FAM151B: variants seen among roughly 807,000 people sequenced by gnomAD.
FAM151B encodes protein FAM151B.
A neutral mutation model predicts 31.2 loss-of-function variants in FAM151B; 24 were observed. The ratio of observed to expected loss-of-function variants is 0.77; its 90% confidence interval spans 0.56 to 1.08. The LOEUF (loss-of-function observed/expected upper bound fraction) is 1.08, where lower values mean the gene tolerates loss of function less well. Among genes scored for constraint, FAM151B ranks in the 50% least tolerant of loss-of-function variants. The pLI is 0.00. For synonymous variants in FAM151B, 105 were observed against 111.4 expected, an observed-to-expected ratio of 0.94 and a Z score of 0.36; for missense variants, 293 against 328.6, an observed-to-expected ratio of 0.89 and a Z score of 0.84.
intron 4 of FAM151B, 42 bp from the exon 5 acceptor site, chr5:80,521,961 G>C (rs1744739715): frequency 6.9e-7 from 1 of 1,444,744 alleles, no homozygotes; most frequent in African/African-American, 1.4e-5. Context: ...TGTCTTTCAA[G>C]ATTTCAATCA....
chr5:80,540,092 T>G (rs1349615768), intron 5 of FAM151B, among the ~76,000 whole-genome samples: 2 of 152,138 alleles, frequency 1.3e-5, no homozygotes, highest in Non-Finnish European at 2.9e-5. Flanking sequence ...TACCATACAG[T>G]CCACAGACCC....
chr5:80,501,717 C>A, intron 1 of FAM151B, 75 bp from the exon 2 acceptor site: 1 of 1,030,988 alleles, frequency 9.7e-7, no homozygotes, highest in Non-Finnish European at 1.4e-6. Context: ...CTTAAATATA[C>A]ACAATGAAAG....
intron 3 of FAM151B, among the ~76,000 whole-genome samples, chr5:80,514,854 C>T (rs1268733784): frequency 6.6e-6 from 1 of 152,072 alleles, no homozygotes; most frequent in Non-Finnish European, 1.5e-5. Context: ...CCTTATTATA[C>T]CGTTAGTGAA....
In FAM151B at chr5:80,538,525, C is replaced by CTT. The variant is rs1181977262; in HGVS notation, c.672-3147_672-3146dup. On this transcript the variant is annotated intron_variant, in intron 5 of 5. Transcript: ENST00000282226. ...TTTCTTTTCTTTCTTTCCTTCCTTC[C>CTT]TTCCTTCCTTCCTTCCTTCCTTCCT... 1.1e-4 allele frequency among the ~76,000 whole-genome samples: 9 copies of CTT among 82,678 alleles called. 1 individual carries two copies. Among genetic ancestry groups the CTT allele is most frequent in the African/African-American group, 7.1e-4 (8 of 11,212 alleles). 54.2% of individuals were successfully genotyped at this position (82,678 alleles called of 152,430 possible).
intron 5 of FAM151B, among the ~76,000 whole-genome samples, chr5:80,538,537 C>CTTTCTT (rs1561384098): frequency 1.6e-5 from 2 of 125,748 alleles, no homozygotes; most frequent in African/African-American, 6.5e-5. Context: ...TCCTTCCTTC[C>CTTTCTT]TTCCTTCCTT....
At position 80,541,693 on chromosome 5, in the gene FAM151B, C is replaced by G. The variant is rs748841886; in HGVS notation, c.692C>G (p.Thr231Ser). 24 of 1,613,436 alleles carry G rather than the reference C, an allele frequency of 1.5e-5. No homozygotes were observed. The highest frequency in any genetic ancestry group is 2.0e-5 in the Non-Finnish European group (24 of 1,179,712). Residue 231 changes from threonine to serine, a missense_variant, in exon 6 of 6, where the codon ACT (threonine) becomes AGT (serine). Transcript: ENST00000282226. ...KSNRYSLTIW[T>S]GKNDNYSVED... ...TGCAGGTACAGCCTGACTATTTGGA[C>G]TGGAAAAAATGATAACTATTCCGTT...
chr5:80,489,294 C>T (rs980301567), intron 1 of FAM151B, among the ~76,000 whole-genome samples: 1 of 152,286 alleles, frequency 6.6e-6, no homozygotes, highest in African/African-American at 2.4e-5. Flanking sequence ...GGACACGATT[C>T]TTGTAACTGA....
chr5:80,504,510 T>A, intron 2 of FAM151B, among the ~76,000 whole-genome samples: 1 of 137,992 alleles, frequency 7.2e-6, no homozygotes, highest in Middle Eastern at 3.8e-3. Flanking sequence ...CTGCGACTAT[T>A]ACTCTTTTTT....
chr5:80,525,870 G>A (rs889182129), intron 5 of FAM151B, among the ~76,000 whole-genome samples: 1 of 78,218 alleles, frequency 1.3e-5, no homozygotes, highest in African/African-American at 5.5e-5. Flanking sequence ...AACAGTGCCT[G>A]TATGCATATA....
In FAM151B at chr5:80,541,904, C is replaced by A; in HGVS notation, c.*72C>A. ...CTCTCCATTGGTCTGAATTAATTAC[C>A]ATATAAATTATGGTTATTGATTGAC... On this transcript the variant is annotated 3_prime_UTR_variant, in exon 6 of 6. Transcript: ENST00000282226. 6.9e-7 allele frequency: 1 copy of A among 1,451,880 alleles called. No individual in the cohort carries two copies. Among genetic ancestry groups the A allele is most frequent in the East Asian group, 2.4e-5 (1 of 42,160 alleles). 89.9% of individuals were successfully genotyped at this position (1,451,880 alleles called of 1,614,324 possible). A position where few individuals can be genotyped will look rare whatever the true frequency, so the allele number is the denominator to read the frequency against.
At chr5:80,534,530 G>GA in intron 5 of FAM151B, among the ~76,000 whole-genome samples, 1 of 152,104 alleles carries the variant, frequency 6.6e-6, no homozygotes, top group Non-Finnish European at 1.5e-5. Context: ...AATTGATGCT[G>GA]AAAAAACATT....
intron 5 of FAM151B, among the ~76,000 whole-genome samples, chr5:80,540,998 C>T (rs1745860079): frequency 6.6e-6 from 1 of 152,110 alleles, no homozygotes; most frequent in African/African-American, 2.4e-5. Flanking sequence ...TTTGCATTTC[C>T]CTAGACTTGA....
In FAM151B at chr5:80,538,557, CTT is replaced by C. The variant is rs1291056416; in HGVS notation, c.672-3115_672-3114del. Among the ~76,000 whole-genome samples, 26 of 131,298 alleles carry C rather than the reference CTT, an allele frequency of 2.0e-4. 1 individual carries two copies. Among genetic ancestry groups the C allele is most frequent in the Non-Finnish European group, 2.7e-4 (17 of 61,986 alleles). 86.1% of individuals were successfully genotyped at this position (131,298 alleles called of 152,430 possible). The stretch of plus-strand genomic sequence containing the variant: ...CCTTCCTTCCTTCCTTCCTTCCTTC[CTT>C]CCTTCCTTCCTTCCCTCCCTTCCTT... On this transcript the variant is annotated intron_variant, in intron 5 of 5. Coordinates refer to ENST00000282226, the MANE Select transcript of FAM151B (RefSeq NM_205548.3).
At chr5:80,527,141 A>AT (rs1334905381) in intron 5 of FAM151B, among the ~76,000 whole-genome samples, 2 of 152,112 alleles carry the variant, frequency 1.3e-5, no homozygotes, top group Non-Finnish European at 2.9e-5. Context: ...TCATTAGGTC[A>AT]TCCAGGCACA....
chr5:80,498,225 A>G (rs1743619704), intron 1 of FAM151B, among the ~76,000 whole-genome samples: 1 of 152,222 alleles, frequency 6.6e-6, no homozygotes, highest in African/African-American at 2.4e-5. Flanking sequence ...TTGCCATCTC[A>G]GTATGAAAGG....
chr5:80,532,755 A>C (rs890148109), intron 5 of FAM151B, among the ~76,000 whole-genome samples: 1 of 152,212 alleles, frequency 6.6e-6, no homozygotes, highest in Non-Finnish European at 1.5e-5. Context: ...TTAGATCACA[A>C]AACAAGTCTA....
intron 5 of FAM151B, among the ~76,000 whole-genome samples, chr5:80,525,276 G>C (rs943530139): frequency 2.6e-5 from 4 of 152,148 alleles, no homozygotes. Flanking sequence ...AATTGTGCAT[G>C]AATGAATCCT....
rs371268914 is a variant in FAM151B, at chr5:80,495,657, C to T, written c.26-6135C>T. ...CATCCTGGCTAACACAGTGAAACCCCGTCTCTACTAAAAATGCAAAAAATT... is the reference window on the plus strand; with the variant it reads ...CATCCTGGCTAACACAGTGAAACCCTGTCTCTACTAAAAATGCAAAAAATT... On this transcript the variant is annotated intron_variant, in intron 1 of 5. Transcript: ENST00000282226. 1.3e-4 allele frequency among the ~76,000 whole-genome samples: 19 copies of T among 151,988 alleles called. 1 individual carries two copies. Among genetic ancestry groups the T allele is most frequent in the South Asian group, 4.2e-4 (2 of 4,800 alleles).
intron 1 of FAM151B, among the ~76,000 whole-genome samples, chr5:80,495,556 C>T (rs529736832): frequency 3.3e-5 from 5 of 152,262 alleles, no homozygotes; most frequent in South Asian, 2.1e-4. Context: ...GAGGGCAGGG[C>T]GCAGCGGCTC....
Sources: gnomAD v4.1 joint callset for allele counts (sites outside exome capture counted in the v4.1 genomes callset) on GRCh38, gnomAD v4.1.1 for gene constraint, MANE v1.5 for transcripts, NCBI Gene and HGNC (gene_info 2026-07-23, HGNC 2026-07-21) for gene names.